JADE3: variants seen among roughly 807,000 people sequenced by gnomAD.
The protein encoded by JADE3 is jade family PHD finger 3.
JADE3 carries 2 observed loss-of-function variants against 50.1 expected under a neutral mutation model. The ratio of observed to expected loss-of-function variants is 0.04; its 90% CI spans 0.02 to 0.13. The LOEUF is 0.13. Ranked by LOEUF, JADE3 falls within the 10% of genes least tolerant of loss-of-function variation. JADE3 has a pLI of 1.00. For synonymous variants in JADE3, 218 were observed against 232.9 expected (o/e 0.94, Z 0.58); for missense variants, 475 against 634.4 (o/e 0.75, Z 2.70).
At chrX:47,044,773 T>G (rs1253090079) in intron 8 of JADE3, among the ~76,000 whole-genome samples, 1 of 111,695 alleles carries the variant, frequency 9.0e-6, no homozygotes, top group African/African-American at 3.2e-5. Flanking sequence ...AGCAAAAAGT[T>G]AAGGGGATGA....
intron 1 of JADE3, among the ~76,000 whole-genome samples, chrX:46,956,351 A>G (rs1429371429): frequency 9.0e-5 from 10 of 111,272 alleles, no homozygotes; most frequent in Admixed American, 5.7e-4. Flanking sequence ...AGGCTGAGCC[A>G]CCGCGCTTGG....
At chrX:46,994,782 A>G (rs2147135590) in intron 3 of JADE3, among the ~76,000 whole-genome samples, 1 of 111,983 alleles carries the variant, frequency 8.9e-6, no homozygotes, top group African/African-American at 3.2e-5. Flanking sequence ...AAGGAATGCT[A>G]TGGTGATGAT....
chrX:46,918,688 G>A (rs1926159417), intron 1 of JADE3, among the ~76,000 whole-genome samples: 1 of 111,959 alleles, frequency 8.9e-6, no homozygotes. Context: ...TGGTTGGCAG[G>A]CTGGTTGGTC....
chrX:47,047,866 G>A (rs1334032169), intron 8 of JADE3, among the ~76,000 whole-genome samples: 3 of 111,783 alleles, frequency 2.7e-5, no homozygotes, highest in Non-Finnish European at 5.6e-5. Context: ...TATACTCACA[G>A]TTATAGTTTA....
chrX:46,972,639 G>A (rs1436394059), intron 1 of JADE3, among the ~76,000 whole-genome samples: 1 of 111,542 alleles, frequency 9.0e-6, no homozygotes, highest in Admixed American at 9.5e-5. Flanking sequence ...TCACTCTGTC[G>A]CCCAGGCTGG....
chrX:47,036,957 G>T (rs1556368071), intron 7 of JADE3, among the ~76,000 whole-genome samples: 3 of 84,680 alleles, frequency 3.5e-5, no homozygotes, highest in Non-Finnish European at 4.6e-5. Context: ...TGGGGACTGT[G>T]GTGGGGTAGG....
Position 46,995,367 on chromosome X carries a change from G to A in JADE3, c.127-2753G>A, listed in dbSNP as rs139516417. ...TTATATAAAGTATTTGCCTGCTTCA[G>A]ACTTTAAACTGTAAAACAAAATATA... On this transcript the variant is annotated intron_variant, in intron 3 of 10. Coordinates refer to ENST00000614628, the MANE Select transcript of JADE3 (RefSeq NM_014735.5). 3.9e-3 allele frequency among the ~76,000 whole-genome samples: 435 copies of A among 111,378 alleles called. 4 individuals carry two copies. Among genetic ancestry groups the A allele is most frequent in the Middle Eastern group, 9.2e-3 (2 of 218 alleles).
At chrX:47,042,478 G>A (rs782360213) in intron 8 of JADE3, among the ~76,000 whole-genome samples, 1 of 111,701 alleles carries the variant, frequency 9.0e-6, no homozygotes, top group East Asian at 2.8e-4. Context: ...AAACATTCTG[G>A]TGTAAGTTTC....
chrX:46,971,605 C>T (rs1927495184), intron 1 of JADE3, among the ~76,000 whole-genome samples: 1 of 105,212 alleles, frequency 9.5e-6, no homozygotes, highest in African/African-American at 3.4e-5. Flanking sequence ...ACCATCCTGG[C>T]TAACACGGTG....
chrX:46,998,669 GTTTTA>G (rs1361753280), intron 4 of JADE3, among the ~76,000 whole-genome samples: 1 of 110,236 alleles, frequency 9.1e-6, no homozygotes, highest in Non-Finnish European at 1.9e-5. Flanking sequence ...ACCTGAGTCT[GTTTTA>G]TTTATTTATT....
At chrX:46,962,056 C>T (rs1556347813) in intron 1 of JADE3, among the ~76,000 whole-genome samples, 1 of 111,961 alleles carries the variant, frequency 8.9e-6, no homozygotes, top group Non-Finnish European at 1.9e-5. Flanking sequence ...CTGTTCTGAG[C>T]ATGTGGCTTC....
At chrX:47,035,081 G>GAC (rs1929105858) in intron 7 of JADE3, among the ~76,000 whole-genome samples, 1 of 110,044 alleles carries the variant, frequency 9.1e-6, no homozygotes, top group Non-Finnish European at 1.9e-5. Context: ...GGGGCTTGAA[G>GAC]ACATTTCTTC....
intron 8 of JADE3, among the ~76,000 whole-genome samples, chrX:47,049,181 C>CTT (rs376747614): frequency 0.014 from 1,104 of 77,490 alleles, 32 homozygotes; most frequent in Admixed American, 0.066. Context: ...CTTTCTTCTT[C>CTT]TTTTTTTTTT....
At chrX:47,055,736 GC>G (rs1175931824) in intron 9 of JADE3, among the ~76,000 whole-genome samples, 3 of 112,109 alleles carry the variant, frequency 2.7e-5, no homozygotes, top group Non-Finnish European at 3.8e-5. Flanking sequence ...AGCCAGCATT[GC>G]CATCATTCGT....
chrX:47,035,200 AAG>A (rs1200313095), intron 7 of JADE3, among the ~76,000 whole-genome samples: 3 of 111,219 alleles, frequency 2.7e-5, no homozygotes, highest in African/African-American at 9.8e-5. Context: ...ACTGCATGAC[AAG>A]AGAGACTGCA....
At chrX:46,996,696 A>C (rs1556357479) in intron 3 of JADE3, among the ~76,000 whole-genome samples, 2 of 111,731 alleles carry the variant, frequency 1.8e-5, no homozygotes, top group Admixed American at 9.5e-5. Flanking sequence ...CTTCCATCTC[A>C]AATCTCCCTC....
chrX:46,942,474 C>T lies in JADE3; in HGVS notation c.-12+29755C>T, dbSNP rs183022752. On this transcript the variant is annotated intron_variant, in intron 1 of 10. Transcript: ENST00000614628. ...TTTATTGAGTAGGGAGTCCTTTCCC[C>T]GTTGCTTATTTTTAACTTTGTCAAA... is the stretch of plus-strand genomic sequence containing the variant. 1.1e-4 allele frequency among the ~76,000 whole-genome samples: 12 copies of T among 111,655 alleles called. No homozygotes were observed. The East Asian group carries it at 3.1e-3, about 29-fold the overall frequency.
intron 8 of JADE3, among the ~76,000 whole-genome samples, chrX:47,051,166 G>A (rs1374866263): frequency 3.6e-5 from 4 of 111,190 alleles, no homozygotes; most frequent in Admixed American, 9.6e-5. Context: ...AGGTACTCTC[G>A]AGGAAATTCA....
intron 8 of JADE3, among the ~76,000 whole-genome samples, chrX:47,051,962 C>G (rs1241517567): frequency 1.8e-5 from 2 of 110,182 alleles, no homozygotes; most frequent in Admixed American, 9.7e-5. Flanking sequence ...GACTTGGTGG[C>G]GCACGCCTAT....
Sources: gnomAD v4.1 joint callset for allele counts (sites outside exome capture counted in the v4.1 genomes callset) on GRCh38, gnomAD v4.1.1 for gene constraint, MANE v1.5 for transcripts, NCBI Gene and HGNC (gene_info 2026-07-23, HGNC 2026-07-21) for gene names.